GSKIP: variants seen among roughly 807,000 people sequenced by gnomAD.
GSKIP encodes GSK3B interacting protein, also known as GSK3B-interacting protein.
A neutral mutation model predicts 11.9 loss-of-function variants in GSKIP; 5 were observed. The ratio of observed to expected loss-of-function variants is 0.42; its 90% confidence interval spans 0.22 to 0.89. The LOEUF is 0.89. Ranked by LOEUF, GSKIP falls within the 40% of genes least tolerant of loss-of-function variation. The pLI, the probability that GSKIP is intolerant of heterozygous loss-of-function variation, is 0.29. For missense variants in GSKIP, 150 were observed against 166.6 expected, an observed-to-expected ratio of 0.90 and a Z score of 0.55; for synonymous variants, 70 against 62.9, an observed-to-expected ratio of 1.11 and a Z score of -0.54.
chr14:96,383,015 G>A (rs1213174122), intron 3 of GSKIP, among the ~76,000 whole-genome samples: 1 of 152,088 alleles, frequency 6.6e-6, no homozygotes, highest in African/African-American at 2.4e-5. Context: ...TCTTTATTAT[G>A]AGAGCTTTTC....
chr14:96,375,687 C>T (rs997231195), intron 1 of GSKIP, among the ~76,000 whole-genome samples: 1 of 152,210 alleles, frequency 6.6e-6, no homozygotes, highest in African/African-American at 2.4e-5. Context: ...CCACCTCATT[C>T]TCCCAAAGTG....
At chr14:96,363,733 G>A (rs1172730997) in intron 1 of GSKIP, 165 bp downstream of exon 1, 2 of 152,342 alleles carry the variant, frequency 1.3e-5, no homozygotes, top group Admixed American at 1.3e-4. Flanking sequence ...CCCGTGTTAA[G>A]AGGGGTCTGG....
At chr14:96,378,457 G>A (rs1001621746) in intron 1 of GSKIP, among the ~76,000 whole-genome samples, 17 of 152,208 alleles carry the variant, frequency 1.1e-4, no homozygotes, top group Admixed American at 5.2e-4. Flanking sequence ...AGTGAGAAAA[G>A]GTAAGGAAAC....
In GSKIP at chr14:96,385,619, C is replaced by T. The variant is rs1889469398; in HGVS notation, c.355C>T (p.Arg119Ter). The T allele has an allele frequency of 1.9e-6, 3 of 1,613,350 alleles. No homozygotes were observed. Among genetic ancestry groups the T allele is most frequent in the Admixed American group, 1.7e-5 (1 of 59,978 alleles). Reference sequence around the variant, plus strand: ...GTTGGATACACTCAGCCCCGCCTACCGAGAAGCATTTGGAAACGCACTGCT... The same window carrying T: ...GTTGGATACACTCAGCCCCGCCTACTGAGAAGCATTTGGAAACGCACTGCT... ...SLLDTLSPAY[R>*]EAFGNALLQR... The change falls in exon 4 of 4, where the codon CGA becomes TGA. Residue 119 changes from arginine to a stop codon, truncating the protein, a stop_gained. Coordinates refer to ENST00000555181, the MANE Select transcript of GSKIP (RefSeq NM_016472.5). LOFTEE classifies it high-confidence loss of function.
At chr14:96,365,382 A>G (rs762089541) in intron 1 of GSKIP, 1 of 150,096 alleles carries the variant, frequency 6.7e-6, no homozygotes, top group African/African-American at 2.5e-5. Context: ...GGGAACAGCA[A>G]GTGCAACGCC....
At chr14:96,368,270 C>A (rs767282633) in intron 1 of GSKIP, among the ~76,000 whole-genome samples, 1 of 151,378 alleles carries the variant, frequency 6.6e-6, no homozygotes, top group African/African-American at 2.4e-5. Flanking sequence ...GCCTCAACCT[C>A]CCAGGTTCAA....
chr14:96,368,176 T>G (rs1888947576), intron 1 of GSKIP, among the ~76,000 whole-genome samples: 1 of 150,604 alleles, frequency 6.6e-6, no homozygotes, highest in Non-Finnish European at 1.5e-5. Flanking sequence ...CAAGGTTGTA[T>G]TGCTACTCTT....
intron 1 of GSKIP, among the ~76,000 whole-genome samples, chr14:96,367,404 T>A (rs1888916597): frequency 6.6e-6 from 1 of 152,176 alleles, no homozygotes; most frequent in Non-Finnish European, 1.5e-5. Flanking sequence ...ATTTACCAGG[T>A]TGTAGTGTGT....
chr14:96,375,683 C>CA (rs1284303241), intron 1 of GSKIP, among the ~76,000 whole-genome samples: 3 of 152,222 alleles, frequency 2.0e-5, no homozygotes, highest in Non-Finnish European at 2.9e-5. Flanking sequence ...CCACCCACCT[C>CA]ATTCTCCCAA....
At position 96,375,507 on chromosome 14, in the gene GSKIP, C is replaced by T. The variant is rs537958295; in HGVS notation, c.-102-4181C>T. Among the ~76,000 whole-genome samples the T allele has an allele frequency of 1.1e-4, 17 of 151,242 alleles. No individual in the cohort carries two copies. In the South Asian group the frequency reaches 3.4e-3, roughly 30 times the overall value. On this transcript the variant is annotated intron_variant, in intron 1 of 3. Transcript: ENST00000555181. ...AGAGTACAGTGGCGCAATCTCGGCT[C>T]ACTGCAACCTCCGCCTCCCAGGTTC...
chr14:96,375,879 A>G (rs1303424023), intron 1 of GSKIP, among the ~76,000 whole-genome samples: 2 of 152,230 alleles, frequency 1.3e-5, no homozygotes, highest in African/African-American at 4.8e-5. Flanking sequence ...GTGCTGGCTC[A>G]CATCTTTCCC....
intron 1 of GSKIP, among the ~76,000 whole-genome samples, chr14:96,371,244 A>G (rs1170721164): frequency 6.6e-6 from 1 of 152,274 alleles, no homozygotes; most frequent in Non-Finnish European, 1.5e-5. Flanking sequence ...CTCTTGTTTT[A>G]TTTGTAACTG....
chr14:96,385,427 T>A, intron 3 of GSKIP, 96 bp from the exon 4 acceptor site: 3 of 931,552 alleles, frequency 3.2e-6, no homozygotes, highest in Non-Finnish European at 4.9e-6. Context: ...AAATAATTTA[T>A]TTTTTTGAAA....
intron 1 of GSKIP, among the ~76,000 whole-genome samples, chr14:96,369,432 A>G (rs1888985330): frequency 6.6e-6 from 1 of 152,218 alleles, no homozygotes. Context: ...AATGGGGAAA[A>G]GGCCCTCAAG....
chr14:96,368,048 G>A (rs547210117), intron 1 of GSKIP, among the ~76,000 whole-genome samples: 16 of 151,388 alleles, frequency 1.1e-4, no homozygotes, highest in Non-Finnish European at 2.4e-4. Context: ...TTTCCTAGAG[G>A]ATTATATAGA....
intron 2 of GSKIP, 50 bp from the exon 3 acceptor site, chr14:96,382,197 A>C: frequency 7.4e-7 from 1 of 1,345,468 alleles, no homozygotes; most frequent in East Asian, 2.4e-5. Context: ...TAGTAGTTTG[A>C]ATGTCTTTCT....
intron 3 of GSKIP, 68 bp downstream of exon 3, chr14:96,382,573 A>G: frequency 8.3e-7 from 1 of 1,199,686 alleles, no homozygotes; most frequent in Non-Finnish European, 1.2e-6. Flanking sequence ...AAAGAGGGGT[A>G]GTGGGGAGGG....
chr14:96,366,902 G>C lies in GSKIP; in HGVS notation c.-103+3334G>C, dbSNP rs1414904688. On this transcript the variant is annotated intron_variant, in intron 1 of 3. Coordinates refer to ENST00000555181, the MANE Select transcript of GSKIP (RefSeq NM_016472.5). ...AAATCTGTTAACATGGGAAATGAAA[G>C]AAAAGCCAAGGAGATGTATTTGACC... is the stretch of plus-strand genomic sequence containing the variant. Among the ~76,000 whole-genome samples, 3 of 152,278 alleles carry C rather than the reference G, an allele frequency of 2.0e-5. No homozygotes were observed. The East Asian group carries it at 5.8e-4, about 29-fold the overall frequency.
intron 1 of GSKIP, chr14:96,364,740 T>A (rs1888820190): frequency 6.6e-6 from 1 of 152,216 alleles, no homozygotes; most frequent in Non-Finnish European, 1.5e-5. Context: ...TAAATGAAAG[T>A]CACCACAGTT....
Sources: allele counts gnomAD v4.1 joint callset (sites outside exome capture counted in the v4.1 genomes callset), GRCh38; gene constraint gnomAD v4.1.1; transcripts MANE v1.5; gene names NCBI Gene and HGNC (gene_info 2026-07-23, HGNC 2026-07-21).